LRBA: variants seen among roughly 807,000 people sequenced by gnomAD.
LRBA encodes LPS responsive beige-like anchor protein.
Under a neutral mutation model 330.0 loss-of-function variants are expected in LRBA, and 176 were observed. The ratio of observed to expected loss-of-function variants is 0.53; its 90% CI spans 0.47 to 0.60. LRBA has a LOEUF of 0.60. Among genes scored for constraint, LRBA ranks in the 20% least tolerant of loss-of-function variants. LRBA has a pLI of 0.00. For synonymous variants in LRBA, 1,230 were observed against 1,193.0 expected, an observed-to-expected ratio of 1.03 and a Z score of -0.64; for missense variants, 3,259 against 3,444.8, an observed-to-expected ratio of 0.95 and a Z score of 1.35.
At chr4:150,914,415 CATAA>C (rs1732349555) in intron 8 of LRBA, 74 bp from the exon 9 acceptor site, 2 of 1,054,882 alleles carry the variant, frequency 1.9e-6, no homozygotes, top group Non-Finnish European at 2.6e-6. Context: ...CCTATATTAT[CATAA>C]ATGTTTTGTC....
chr4:150,532,473 C>A lies in LRBA; in HGVS notation c.6331-41438G>T, dbSNP rs569628509. 5.3e-5 allele frequency among the ~76,000 whole-genome samples: 8 copies of A among 151,948 alleles called. No homozygotes were observed. In the South Asian group the frequency reaches 1.5e-3, roughly 28 times the overall value. ...CTCATTTTATTAGGGTATAATAATA[C>A]AAGAGCCTTATCTCTTAGAACACAA... is the stretch of plus-strand genomic sequence containing the variant. On this transcript the variant is annotated intron_variant, in intron 40 of 56. Coordinates refer to ENST00000651943, the MANE Select transcript of LRBA (RefSeq NM_001364905.1).
intron 47 of LRBA, among the ~76,000 whole-genome samples, chr4:150,394,080 A>T (rs551497280): frequency 3.8e-4 from 58 of 152,306 alleles, no homozygotes; most frequent in African/African-American, 1.3e-3. Context: ...AGCAGAGAAG[A>T]TTTAATCTTC....
intron 2 of LRBA, among the ~76,000 whole-genome samples, chr4:150,982,023 T>C (rs1740906964): frequency 6.6e-6 from 1 of 152,012 alleles, no homozygotes. Context: ...TTCTGTTTCT[T>C]AGTTGTACAA....
chr4:150,652,461 T>C (rs1396874210), intron 37 of LRBA, among the ~76,000 whole-genome samples: 1 of 152,232 alleles, frequency 6.6e-6, no homozygotes, highest in Non-Finnish European at 1.5e-5. Flanking sequence ...TCTTGTAACA[T>C]GTTCCCCCTT....
intron 37 of LRBA, among the ~76,000 whole-genome samples, chr4:150,679,089 G>A (rs1036267687): frequency 1.3e-5 from 2 of 151,928 alleles, no homozygotes; most frequent in Non-Finnish European, 2.9e-5. Flanking sequence ...GTTCAATATT[G>A]AATTTCACCA....
chr4:150,386,924 T>C (rs113210244), intron 47 of LRBA, among the ~76,000 whole-genome samples: 1 of 152,284 alleles, frequency 6.6e-6, no homozygotes, highest in Non-Finnish European at 1.5e-5. Flanking sequence ...CTCGCCAGCA[T>C]CTGTTGCTTT....
intron 40 of LRBA, chr4:150,582,954 C>T: frequency 6.7e-7 from 1 of 1,502,870 alleles, no homozygotes; most frequent in Non-Finnish European, 8.9e-7. Context: ...GCCGCTGGGC[C>T]ACCACCAGTG....
intron 22 of LRBA, among the ~76,000 whole-genome samples, chr4:150,864,178 C>T (rs1351459248): frequency 6.6e-6 from 1 of 152,038 alleles, no homozygotes; most frequent in African/African-American, 2.4e-5. Context: ...CCTCATGATC[C>T]ACCCACCTCA....
At chr4:150,549,870 T>C (rs1473434794) in intron 40 of LRBA, among the ~76,000 whole-genome samples, 3 of 152,168 alleles carry the variant, frequency 2.0e-5, no homozygotes, top group Admixed American at 1.3e-4. Context: ...CTGAAAGTAT[T>C]AGGAATGAGT....
intron 40 of LRBA, among the ~76,000 whole-genome samples, chr4:150,564,231 C>T (rs994877266): frequency 9.9e-5 from 15 of 152,056 alleles, no homozygotes; most frequent in African/African-American, 2.4e-4. Context: ...GAAATAACAC[C>T]GCACATCTAC....
At chr4:150,622,150 C>A (rs918519949) in intron 37 of LRBA, among the ~76,000 whole-genome samples, 1 of 152,132 alleles carries the variant, frequency 6.6e-6, no homozygotes, top group African/African-American at 2.4e-5. Flanking sequence ...AAACTCAATA[C>A]CAAGTTTTAT....
At chr4:150,698,443 T>C (rs1784823718) in intron 36 of LRBA, among the ~76,000 whole-genome samples, 1 of 152,202 alleles carries the variant, frequency 6.6e-6, no homozygotes, top group African/African-American at 2.4e-5. Context: ...AAATATATTT[T>C]ACAAGAACAT....
At chr4:150,484,594 T>A (rs1757654807) in intron 42 of LRBA, among the ~76,000 whole-genome samples, 1 of 151,860 alleles carries the variant, frequency 6.6e-6, no homozygotes, top group Non-Finnish European at 1.5e-5. Context: ...AGAGACAGCT[T>A]TTCATTACAC....
chr4:150,985,398 G>A (rs1741336936), intron 2 of LRBA, among the ~76,000 whole-genome samples: 1 of 151,734 alleles, frequency 6.6e-6, no homozygotes, highest in Non-Finnish European at 1.5e-5. Flanking sequence ...TTCAGTCTAT[G>A]TAAATTGTAC....
chr4:150,666,443 T>G (rs1781562934), intron 37 of LRBA, among the ~76,000 whole-genome samples: 1 of 151,524 alleles, frequency 6.6e-6, no homozygotes, highest in Non-Finnish European at 1.5e-5. Context: ...ACCTGGGAGG[T>G]GGAGGTTGCA....
intron 36 of LRBA, among the ~76,000 whole-genome samples, chr4:150,732,887 T>C (rs117585397): frequency 0.018 from 2,708 of 152,180 alleles, 148 homozygotes; most frequent in Admixed American, 0.06. Flanking sequence ...CTATTGCTTA[T>C]TTCATCTGGA....
chr4:150,395,293 T>G (rs929036441), intron 47 of LRBA, among the ~76,000 whole-genome samples: 1 of 152,152 alleles, frequency 6.6e-6, no homozygotes, highest in Non-Finnish European at 1.5e-5. Flanking sequence ...TTCCTCTTTC[T>G]GTAATGCCTA....
intron 28 of LRBA, among the ~76,000 whole-genome samples, chr4:150,837,264 T>A (rs1186208290): frequency 6.6e-6 from 1 of 152,060 alleles, no homozygotes; most frequent in African/African-American, 2.4e-5. Context: ...AGAAGAATGA[T>A]TATTCTGTTG....
chr4:150,324,302 T>C (rs10010954), intron 49 of LRBA, among the ~76,000 whole-genome samples: 133,822 of 152,156 alleles, frequency 0.88, 59,540 homozygotes, highest in Non-Finnish European at 0.94. Context: ...TAATTCCAAA[T>C]GCAAACATAA....
Sources: allele counts gnomAD v4.1 joint callset (sites outside exome capture counted in the v4.1 genomes callset), GRCh38; gene constraint gnomAD v4.1.1; transcripts MANE v1.5; gene names NCBI Gene and HGNC (gene_info 2026-07-23, HGNC 2026-07-21).